The following APBB2 variants were observed in gnomAD, a reference collection of about 807,000 sequenced individuals.
The protein encoded by APBB2 is amyloid beta precursor protein binding family B member 2, also known as Fe65-like 1.
Under a neutral mutation model 82.5 loss-of-function variants are expected in APBB2, and 38 were observed. That is an observed-to-expected ratio of 0.46 (90% confidence interval 0.36 to 0.60). The LOEUF (loss-of-function observed/expected upper bound fraction) is 0.60. Among genes scored for constraint, APBB2 ranks in the 20% least tolerant of loss-of-function variants. The pLI is 0.00. For missense variants in APBB2, 772 were observed against 972.3 expected (o/e 0.79, Z 2.74); for synonymous variants, 341 against 368.2 (o/e 0.93, Z 0.85).
intron 4 of APBB2, among the ~76,000 whole-genome samples, chr4:41,062,772 C>CCAG (rs1187794171): frequency 6.6e-6 from 1 of 152,176 alleles, no homozygotes; most frequent in Non-Finnish European, 1.5e-5. Context: ...GCAATCTCTA[C>CCAG]GCTGAGCACA....
intron 12 of APBB2, among the ~76,000 whole-genome samples, chr4:40,837,384 C>T (rs1476974122): frequency 6.6e-6 from 1 of 152,208 alleles, no homozygotes; most frequent in East Asian, 1.9e-4. Context: ...AGGAGGGTCC[C>T]ATCTCAGACA....
intron 2 of APBB2, among the ~76,000 whole-genome samples, chr4:41,129,093 C>T (rs1459970894): frequency 1.3e-5 from 2 of 152,096 alleles, no homozygotes; most frequent in Non-Finnish European, 2.9e-5. Context: ...CCATTCCCAC[C>T]ACAATCCTGG....
At chr4:40,865,431 G>C (rs1763820187) in intron 12 of APBB2, among the ~76,000 whole-genome samples, 1 of 152,220 alleles carries the variant, frequency 6.6e-6, no homozygotes, top group South Asian at 2.1e-4. Context: ...GCTAAGGAGT[G>C]AAGACAAGAG....
At chr4:41,193,578 T>G in intron 1 of APBB2, 2 of 985,014 alleles carry the variant, frequency 2.0e-6, no homozygotes, top group Admixed American at 1.2e-4. Context: ...GGTAAGCTAC[T>G]TTTTGTCAGT....
intron 10 of APBB2, among the ~76,000 whole-genome samples, chr4:40,907,377 A>ATTT (rs1777245642): frequency 1.8e-4 from 5 of 28,280 alleles, no homozygotes; most frequent in African/African-American, 9.6e-4. Flanking sequence ...ATATATATAT[A>ATTT]TATTTTTTTT....
chr4:41,087,885 G>A (rs1400004555), intron 3 of APBB2, among the ~76,000 whole-genome samples: 7 of 152,128 alleles, frequency 4.6e-5, no homozygotes, highest in Non-Finnish European at 1.0e-4. Context: ...CCAAGACAGC[G>A]GTATAATACC....
intron 10 of APBB2, among the ~76,000 whole-genome samples, chr4:40,902,359 C>T (rs1302291493): frequency 3.9e-5 from 6 of 152,030 alleles, no homozygotes; most frequent in Non-Finnish European, 8.8e-5. Flanking sequence ...ATGAGGAAAC[C>T]GGTTAAATGG....
At chr4:40,983,605 T>C (rs1799670455) in intron 6 of APBB2, among the ~76,000 whole-genome samples, 1 of 150,652 alleles carries the variant, frequency 6.6e-6, no homozygotes, top group Non-Finnish European at 1.5e-5. Context: ...AAAGACGGAG[T>C]CTCACTCTGT....
At chr4:40,940,638 G>A (rs60674005) in intron 7 of APBB2, among the ~76,000 whole-genome samples, 2,395 of 152,256 alleles carry the variant, frequency 0.016, 60 homozygotes, top group African/African-American at 0.042. Context: ...CTCTCATGAC[G>A]CCCGTGAGGC....
intron 12 of APBB2, among the ~76,000 whole-genome samples, chr4:40,867,675 G>A (rs1764373047): frequency 6.6e-6 from 1 of 152,052 alleles, no homozygotes. Flanking sequence ...TCACATATGG[G>A]GCTCCTGTTC....
At chr4:41,094,753 C>T (rs1579982938) in intron 3 of APBB2, among the ~76,000 whole-genome samples, 1 of 151,990 alleles carries the variant, frequency 6.6e-6, no homozygotes, top group African/African-American at 2.4e-5. Context: ...TTAGTAGAGA[C>T]GGGGTTTCGC....
chr4:40,877,710 T>G (rs1767270464), intron 12 of APBB2, among the ~76,000 whole-genome samples: 1 of 152,112 alleles, frequency 6.6e-6, no homozygotes, highest in African/African-American at 2.4e-5. Flanking sequence ...ATTCTGTGAG[T>G]TGAAGATTGA....
At chr4:41,071,697 A>AT (rs1453231854) in intron 3 of APBB2, among the ~76,000 whole-genome samples, 2 of 152,174 alleles carry the variant, frequency 1.3e-5, no homozygotes, top group East Asian at 3.9e-4. Context: ...AACAATTAAA[A>AT]TTTTTTAAAA....
Position 40,934,694 on chromosome 4 carries a change from C to G in APBB2, c.1113G>C (p.Leu371Phe). 1 of 1,612,200 alleles carries G rather than the reference C, an allele frequency of 6.2e-7. No individual in the cohort carries two copies. Among genetic ancestry groups the G allele is most frequent in the Non-Finnish European group, 8.5e-7 (1 of 1,178,314 alleles). ...GGTCCGGGTTAACAGTGGCTGCATG[C>G]AAATCCTAGAGGAAAATAGAACCTT... ...GKINSDIWKD[L>F]HAATVNPDPS... Residue 371 changes from leucine (L) to phenylalanine (F), a missense_variant, in exon 9 of 18, where the codon TTG becomes TTC. Transcript: ENST00000508593.
intron 1 of APBB2, among the ~76,000 whole-genome samples, chr4:41,144,349 T>G (rs1175565988): frequency 3.9e-5 from 6 of 152,222 alleles, no homozygotes; most frequent in Non-Finnish European, 8.8e-5. Context: ...TATGGTATGA[T>G]CCCAATTTTG....
chr4:41,128,296 G>T (rs1402772898), intron 2 of APBB2, among the ~76,000 whole-genome samples: 12 of 152,152 alleles, frequency 7.9e-5, no homozygotes. Flanking sequence ...TGGAGCAAAG[G>T]AACACTTCTA....
intron 6 of APBB2, among the ~76,000 whole-genome samples, chr4:40,958,701 G>A (rs1792312120): frequency 6.6e-6 from 1 of 152,206 alleles, no homozygotes; most frequent in South Asian, 2.1e-4. Flanking sequence ...GACCTCCTGG[G>A]CTCAAGCGAT....
chr4:41,176,369 T>A (rs913951039), intron 1 of APBB2, among the ~76,000 whole-genome samples: 1 of 152,132 alleles, frequency 6.6e-6, no homozygotes, highest in African/African-American at 2.4e-5. Context: ...GAATGTATTT[T>A]TTTTTAGCAG....
chr4:41,150,121 G>A (rs1017301632), intron 1 of APBB2, among the ~76,000 whole-genome samples: 5 of 152,114 alleles, frequency 3.3e-5, no homozygotes, highest in South Asian at 2.1e-4. Flanking sequence ...ATACAGCCAC[G>A]GTTGGGAACC....
Sources: gnomAD v4.1 joint callset for allele counts (sites outside exome capture counted in the v4.1 genomes callset) on GRCh38, gnomAD v4.1.1 for gene constraint, MANE v1.5 for transcripts, NCBI Gene and HGNC (gene_info 2026-07-23, HGNC 2026-07-21) for gene names.